Variants in KCNT2 observed in about 807,000 individuals in gnomAD.
KCNT2 encodes potassium channel subfamily T member 2.
A neutral mutation model predicts 153.8 loss-of-function variants in KCNT2; 67 were observed. The ratio of observed to expected loss-of-function variants is 0.44; its 90% CI spans 0.36 to 0.53. KCNT2 has a LOEUF of 0.53. Ranked by LOEUF, KCNT2 falls within the 20% of genes least tolerant of loss-of-function variation. KCNT2 has a pLI of 0.00. For synonymous variants in KCNT2, 500 were observed against 458.8 expected (o/e 1.09, Z -1.15); for missense variants, 975 against 1,354.8 (o/e 0.72, Z 4.40).
At chr1:196,450,035 A>G (rs989115912) in intron 8 of KCNT2, among the ~76,000 whole-genome samples, 2 of 151,774 alleles carry the variant, frequency 1.3e-5, no homozygotes, top group Non-Finnish European at 2.9e-5. Flanking sequence ...AGTGGAAAAT[A>G]AAAAAATATT....
rs150029691 is a variant in KCNT2 at position 196,251,742 on chromosome 1, A to G, written c.3211+6452T>C. On this transcript the variant is annotated intron_variant, in intron 26 of 27. Coordinates refer to ENST00000294725, the MANE Select transcript of KCNT2 (RefSeq NM_198503.5). ...TTTATTGTGCATTTAAAAATAACTAAAAGAGTTTAAGTGGATTGGTTATAA... is the reference window on the plus strand; with the variant it reads ...TTTATTGTGCATTTAAAAATAACTAGAAGAGTTTAAGTGGATTGGTTATAA... Among the ~76,000 whole-genome samples the G allele has an allele frequency of 1.4e-4, 22 of 152,046 alleles. No homozygotes were observed. In the East Asian group the frequency reaches 4.2e-3, roughly 29 times the overall value.
chr1:196,289,959 T>A (rs1016801352), intron 22 of KCNT2, among the ~76,000 whole-genome samples: 7 of 152,084 alleles, frequency 4.6e-5, no homozygotes, highest in African/African-American at 1.7e-4. Context: ...TTTATTATCA[T>A]GAACATGTGC....
chr1:196,587,230 C>T lies in KCNT2; in HGVS notation c.95+20985G>A, dbSNP rs114753091. On this transcript the variant is annotated intron_variant, in intron 1 of 27. Coordinates refer to ENST00000294725, the MANE Select transcript of KCNT2 (RefSeq NM_198503.5). Reference sequence around the variant, plus strand: ...AGGTATCATTTAGCAGTAATTATTACCTAGCACTGAGCTAAGGAATTTTCA... The same window carrying T: ...AGGTATCATTTAGCAGTAATTATTATCTAGCACTGAGCTAAGGAATTTTCA... Among the ~76,000 whole-genome samples, 961 of 152,110 alleles carry T rather than the reference C, an allele frequency of 6.3e-3. 3 individuals carry two copies. The highest frequency in any genetic ancestry group is 1.0e-2 in the Non-Finnish European group (679 of 67,928).
intron 14 of KCNT2, among the ~76,000 whole-genome samples, chr1:196,366,243 T>C (rs1172786190): frequency 2.0e-5 from 3 of 151,954 alleles, no homozygotes; most frequent in African/African-American, 7.3e-5. Flanking sequence ...CACCGCAGCC[T>C]CTGCCTCCTG....
At chr1:196,544,512 A>T (rs918711306) in intron 1 of KCNT2, among the ~76,000 whole-genome samples, 2 of 152,034 alleles carry the variant, frequency 1.3e-5, no homozygotes, top group African/African-American at 4.8e-5. Flanking sequence ...AAATAATAAT[A>T]TATACTTCAA....
chr1:196,553,373 G>T (rs1397423821), intron 1 of KCNT2, among the ~76,000 whole-genome samples: 1 of 150,984 alleles, frequency 6.6e-6, no homozygotes, highest in Admixed American at 6.6e-5. Flanking sequence ...CCCAACACTG[G>T]AAAACCCCGA....
intron 13 of KCNT2, among the ~76,000 whole-genome samples, chr1:196,387,036 C>T (rs1195239208): frequency 6.6e-6 from 1 of 151,886 alleles, no homozygotes; most frequent in African/African-American, 2.4e-5. Context: ...AATCTCACTG[C>T]TTAGATATAA....
At chr1:196,411,632 A>C (rs1031930982) in intron 12 of KCNT2, among the ~76,000 whole-genome samples, 1 of 151,626 alleles carries the variant, frequency 6.6e-6, no homozygotes, top group Non-Finnish European at 1.5e-5. Context: ...ATTCTTTTTG[A>C]GGGCTATGGT....
intron 19 of KCNT2, among the ~76,000 whole-genome samples, chr1:196,326,300 A>G (rs940069201): frequency 1.8e-4 from 27 of 152,098 alleles, no homozygotes; most frequent in African/African-American, 6.5e-4. Flanking sequence ...TTTGTGTTAT[A>G]ACATATAAAA....
At chr1:196,588,649 C>T (rs1662976132) in intron 1 of KCNT2, among the ~76,000 whole-genome samples, 1 of 151,726 alleles carries the variant, frequency 6.6e-6, no homozygotes, top group Non-Finnish European at 1.5e-5. Flanking sequence ...ATAGTATACC[C>T]AGAAAGTAAA....
At chr1:196,394,979 C>A (rs898651214) in intron 13 of KCNT2, among the ~76,000 whole-genome samples, 1 of 149,194 alleles carries the variant, frequency 6.7e-6, no homozygotes, top group African/African-American at 2.4e-5. Flanking sequence ...TCCTAGCTTT[C>A]CAATAGATTT....
intron 1 of KCNT2, among the ~76,000 whole-genome samples, chr1:196,551,164 C>T (rs1009761137): frequency 1.3e-5 from 2 of 151,836 alleles, no homozygotes; most frequent in Admixed American, 1.3e-4. Context: ...TGATGATTAA[C>T]TCATGCTTAG....
intron 12 of KCNT2, among the ~76,000 whole-genome samples, chr1:196,406,892 T>A (rs1326222761): frequency 6.6e-6 from 1 of 151,432 alleles, no homozygotes; most frequent in East Asian, 1.9e-4. Context: ...GGAATCTGCA[T>A]ATATATTATC....
intron 26 of KCNT2, among the ~76,000 whole-genome samples, chr1:196,245,988 C>A (rs1455315733): frequency 6.6e-6 from 1 of 151,986 alleles, no homozygotes; most frequent in Non-Finnish European, 1.5e-5. Flanking sequence ...TATATAAATA[C>A]AAGATGATAA....
intron 14 of KCNT2, among the ~76,000 whole-genome samples, chr1:196,346,844 T>G (rs1224613537): frequency 1.3e-5 from 2 of 152,206 alleles, no homozygotes; most frequent in African/African-American, 2.4e-5. Flanking sequence ...GTGGAACCAC[T>G]GAGCCCTGTT....
At chr1:196,532,361 A>G (rs1011372046) in intron 1 of KCNT2, among the ~76,000 whole-genome samples, 1 of 152,042 alleles carries the variant, frequency 6.6e-6, no homozygotes, top group Non-Finnish European at 1.5e-5. Flanking sequence ...TCCAGAACTA[A>G]CATCAATAGA....
At chr1:196,469,208 A>G (rs1024699391) in intron 5 of KCNT2, 140 bp from the exon 6 acceptor site, 4 of 539,230 alleles carry the variant, frequency 7.4e-6, no homozygotes, top group Middle Eastern at 3.4e-4. Flanking sequence ...GAGATGTAGC[A>G]ATGACTTTTA....
intron 27 of KCNT2, among the ~76,000 whole-genome samples, chr1:196,235,290 C>A (rs1048641878): frequency 1.3e-5 from 2 of 151,346 alleles, no homozygotes; most frequent in Non-Finnish European, 3.0e-5. Flanking sequence ...ATTCTATCTA[C>A]CCTTCAGAGT....
At chr1:196,364,427 A>G (rs1667876360) in intron 14 of KCNT2, among the ~76,000 whole-genome samples, 1 of 152,170 alleles carries the variant, frequency 6.6e-6, no homozygotes, top group African/African-American at 2.4e-5. Flanking sequence ...ACCATATGAA[A>G]TTACAGAATC....
Sources: allele counts gnomAD v4.1 joint callset (sites outside exome capture counted in the v4.1 genomes callset), GRCh38; gene constraint gnomAD v4.1.1; transcripts MANE v1.5; gene names NCBI Gene and HGNC (gene_info 2026-07-23, HGNC 2026-07-21).